TRIO: variants seen among roughly 807,000 people sequenced by gnomAD.
TRIO encodes triple functional domain protein.
A neutral mutation model predicts 351.9 loss-of-function variants in TRIO; 58 were observed. The observed-to-expected ratio is 0.16, with a 90% confidence interval of 0.13 to 0.21. The LOEUF (loss-of-function observed/expected upper bound fraction) is 0.21. Ranked by LOEUF, TRIO falls within the 10% of genes least tolerant of loss-of-function variation. The pLI is 1.00. For missense variants in TRIO, 3,201 were observed against 4,027.8 expected (o/e 0.79, Z 5.56); for synonymous variants, 1,758 against 1,595.7 (o/e 1.10, Z -2.42).
chr5:14,337,087 C>T (rs567093595), intron 11 of TRIO, among the ~76,000 whole-genome samples: 1 of 152,264 alleles, frequency 6.6e-6, no homozygotes, highest in East Asian at 1.9e-4. Flanking sequence ...AACATGATTG[C>T]CTCTGGATTT....
At chr5:14,211,753 T>C (rs1367316701) in intron 1 of TRIO, among the ~76,000 whole-genome samples, 1 of 151,902 alleles carries the variant, frequency 6.6e-6, no homozygotes, top group Non-Finnish European at 1.5e-5. Context: ...TCTGATCAAA[T>C]AGTACTATGA....
chr5:14,262,889 G>A (rs186498755), intron 1 of TRIO, among the ~76,000 whole-genome samples: 15 of 152,232 alleles, frequency 9.9e-5, no homozygotes, highest in Admixed American at 7.2e-4. Flanking sequence ...TCTTCTTCAT[G>A]GCACTTCTTT....
intron 5 of TRIO, among the ~76,000 whole-genome samples, chr5:14,291,645 C>T (rs1441861067): frequency 1.3e-5 from 2 of 151,456 alleles, no homozygotes; most frequent in Non-Finnish European, 2.9e-5. Flanking sequence ...GAAAATTAGC[C>T]GGGTGTGGTG....
rs147994837 is a variant in TRIO, at chr5:14,325,313, A to T, written c.1732-5465A>T. Among the ~76,000 whole-genome samples, 11 of 152,298 alleles carry T rather than the reference A, an allele frequency of 7.2e-5. No individual in the cohort carries two copies. The East Asian group carries it at 2.1e-3, about 29-fold the overall frequency. On this transcript the variant is annotated intron_variant, in intron 9 of 56. Coordinates refer to ENST00000344204, the MANE Select transcript of TRIO (RefSeq NM_007118.4). ...TAAAGAAAACAGGTTTATTTGGCTC[A>T]CGGTTCTGCAGGCTGTACAAGAAGC...
At chr5:14,287,179 C>A in intron 4 of TRIO, 116 bp downstream of exon 4, 1 of 970,198 alleles carries the variant, frequency 1.0e-6, no homozygotes, top group Non-Finnish European at 1.5e-6. Flanking sequence ...AGCTGCATAT[C>A]TTACGAACAT....
intron 1 of TRIO, among the ~76,000 whole-genome samples, chr5:14,144,923 G>GGCC (rs1216058402): frequency 3.6e-5 from 3 of 83,702 alleles, no homozygotes; most frequent in African/African-American, 2.7e-4. Flanking sequence ...CGGCGGCGGC[G>GGCC]GCCTCGGGGC....
chr5:14,279,583 A>G (rs1028706284), intron 2 of TRIO, among the ~76,000 whole-genome samples: 10 of 152,232 alleles, frequency 6.6e-5, no homozygotes, highest in African/African-American at 1.7e-4. Flanking sequence ...CAATTTTACC[A>G]TAAGCGTTTA....
At position 14,497,775 on chromosome 5, in the gene TRIO, G is replaced by A; in HGVS notation, c.8020-72G>A. ...TGCAAATCTTTCAACAATAATTGTA[G>A]CCCTGGAATGAAAGGAATACACCTT... On this transcript the variant is annotated intron_variant, in intron 50 of 56. Transcript: ENST00000344204. This position sits in a 1 kb window ranked among gnomAD's most constrained non-coding sequence, Gnocchi z 4.4. The A allele has an allele frequency of 6.3e-7, 1 of 1,582,544 alleles. No homozygotes were observed. The highest frequency in any genetic ancestry group is 8.7e-7 in the Non-Finnish European group (1 of 1,151,558).
At chr5:14,303,562 G>A (rs1057329758) in intron 7 of TRIO, among the ~76,000 whole-genome samples, 20 of 151,036 alleles carry the variant, frequency 1.3e-4, no homozygotes, top group Non-Finnish European at 2.4e-4. Flanking sequence ...TCCTGGAGAT[G>A]GAGGGGGCAG....
intron 40 of TRIO, among the ~76,000 whole-genome samples, chr5:14,474,482 A>T (rs1402568826): frequency 6.6e-6 from 1 of 151,942 alleles, no homozygotes; most frequent in Non-Finnish European, 1.5e-5. Flanking sequence ...GACTGAGTTA[A>T]TACTTTTACC....
At chr5:14,334,836 A>G (rs1037679712) in intron 10 of TRIO, among the ~76,000 whole-genome samples, 6 of 152,194 alleles carry the variant, frequency 3.9e-5, no homozygotes, top group African/African-American at 1.2e-4. Flanking sequence ...TTTGTAGGCA[A>G]GAGTGCAGGC....
At chr5:14,460,910 G>C (rs1354869113) in intron 34 of TRIO, 109 bp from the exon 35 acceptor site, 9 of 1,321,424 alleles carry the variant, frequency 6.8e-6, no homozygotes, top group Middle Eastern at 1.9e-4. Flanking sequence ...GCCCGCTGAC[G>C]AGGCATCCAG....
At chr5:14,157,406 CCTCCCTCCCTGTGT>C (rs1788163166) in intron 1 of TRIO, among the ~76,000 whole-genome samples, 1 of 148,404 alleles carries the variant, frequency 6.7e-6, no homozygotes, top group African/African-American at 2.5e-5. Context: ...CCCCTCCCCG[CCTCCCTCCCTGTGT>C]CTCCCTCTCT....
At chr5:14,482,521 A>G (rs1755603597) in intron 45 of TRIO, 61 bp from the exon 46 acceptor site, 1 of 1,260,982 alleles carries the variant, frequency 7.9e-7, no homozygotes, top group Non-Finnish European at 1.0e-6. Flanking sequence ...ACAGCTTCAG[A>G]TAACTTAGAA....
At chr5:14,188,835 C>A (rs1790289673) in intron 1 of TRIO, among the ~76,000 whole-genome samples, 1 of 152,086 alleles carries the variant, frequency 6.6e-6, no homozygotes, top group Non-Finnish European at 1.5e-5. Context: ...TGCCTTTTAG[C>A]CTGGGAACTT....
Position 14,502,562 on chromosome 5 carries a change from T to A in TRIO, c.8333-17T>A, listed in dbSNP as rs777264724. On this transcript the variant is annotated splice_polypyrimidine_tract_variant and intron_variant, in intron 53 of 56. Coordinates refer to ENST00000344204, the MANE Select transcript of TRIO (RefSeq NM_007118.4). The stretch of plus-strand genomic sequence containing the variant: ...TCCACGGGAAACAAGCTCAGGCAGG[T>A]GCTGTTCTTCTTGCAGGTCCAGGGA... 7 of 1,613,774 alleles carry A rather than the reference T, an allele frequency of 4.3e-6. No individual in the cohort carries two copies. In the African/African-American group the frequency reaches 9.3e-5, roughly 22 times the overall value.
chr5:14,354,269 T>A (rs1330617012), intron 11 of TRIO, among the ~76,000 whole-genome samples: 1 of 152,258 alleles, frequency 6.6e-6, no homozygotes, highest in Non-Finnish European at 1.5e-5. Flanking sequence ...AATTTTGTTC[T>A]GTTTTGCTGA....
intron 1 of TRIO, among the ~76,000 whole-genome samples, chr5:14,182,862 A>AC (rs33945464): frequency 0.037 from 2,289 of 61,356 alleles, 68 homozygotes; most frequent in African/African-American, 0.099. Context: ...TACAGTGGAG[A>AC]CCCCCCCCCC....
chr5:14,464,576 CTTT>C (rs963998504), intron 36 of TRIO, among the ~76,000 whole-genome samples: 3 of 152,036 alleles, frequency 2.0e-5, no homozygotes, highest in African/African-American at 7.2e-5. Context: ...GAATTTTTTT[CTTT>C]GTTTTCTTCA....
Sources: gnomAD v4.1 joint callset for allele counts (sites outside exome capture counted in the v4.1 genomes callset) on GRCh38, gnomAD v4.1.1 for gene constraint, Gnocchi (gnomAD v3.1) non-coding constraint, MANE v1.5 for transcripts, NCBI Gene and HGNC (gene_info 2026-07-23, HGNC 2026-07-21) for gene names.